The following ILKAP variants were observed in gnomAD, a reference collection of about 807,000 sequenced individuals.
ILKAP encodes the protein ILK associated serine/threonine phosphatase, also known as integrin-linked kinase-associated serine/threonine phosphatase 2C.
In ILKAP, 11 loss-of-function variants were observed where a neutral mutation model predicts 49.1. That is an observed-to-expected ratio of 0.22 (90% CI 0.14 to 0.37). The LOEUF is 0.37. ILKAP is among the 10% of genes least tolerant of loss of function. The pLI is 1.00. For missense variants in ILKAP, 363 were observed against 510.8 expected (o/e 0.71, Z 2.79); for synonymous variants, 186 against 192.8 (o/e 0.96, Z 0.29).
At chr2:238,185,311 A>C in intron 5 of ILKAP, 24 bp from the exon 6 acceptor site, 1 of 1,443,812 alleles carries the variant, frequency 6.9e-7, no homozygotes, top group Non-Finnish European at 9.7e-7. Context: ...TTGAGAGTTA[A>C]TCAAATTCTC....
chr2:238,173,481 A>G, intron 10 of ILKAP, 53 bp downstream of exon 10: 1 of 1,586,876 alleles, frequency 6.3e-7, no homozygotes, highest in Non-Finnish European at 8.6e-7. Flanking sequence ...GAAGTGAGGA[A>G]GAGAAATAAA....
At chr2:238,201,181 GT>G (rs34064353) in intron 1 of ILKAP, among the ~76,000 whole-genome samples, 74,077 of 150,918 alleles carry the variant, frequency 0.49, 18,317 homozygotes, top group East Asian at 0.61. Flanking sequence ...TTCAAAGTAT[GT>G]TTTTTTTTTT....
chr2:238,185,457 A>C (rs1693863893), intron 5 of ILKAP, 170 bp from the exon 6 acceptor site: 1 of 527,982 alleles, frequency 1.9e-6, no homozygotes, highest in South Asian at 2.8e-5. Flanking sequence ...GCTTTAACTG[A>C]GACAAATATT....
intron 1 of ILKAP, among the ~76,000 whole-genome samples, chr2:238,201,181 GTTTT>G (rs34064353): frequency 4.6e-5 from 7 of 150,904 alleles, no homozygotes; most frequent in African/African-American, 1.7e-4. Context: ...TTCAAAGTAT[GTTTT>G]TTTTTTTTAA....
At chr2:238,197,864 C>A (rs985467013) in intron 1 of ILKAP, among the ~76,000 whole-genome samples, 3 of 152,212 alleles carry the variant, frequency 2.0e-5, no homozygotes, top group African/African-American at 7.2e-5. Flanking sequence ...CACATCTTCT[C>A]ATTTAATTCT....
rs376559850 is a variant in ILKAP, at chr2:238,177,047, T to A, written c.837-3394A>T. ...TAAATTTAAATGCTATATGTAAACT[T>A]CCCATCTGTTCAGCTGCCTTCCTTG... On this transcript the variant is annotated intron_variant, in intron 9 of 11. Transcript: ENST00000254654. Among the ~76,000 whole-genome samples the A allele has an allele frequency of 2.6e-5, 4 of 152,238 alleles. No individual in the cohort carries two copies. In the East Asian group the frequency reaches 5.8e-4, roughly 22 times the overall value.
intron 1 of ILKAP, among the ~76,000 whole-genome samples, chr2:238,201,652 T>C (rs1234354476): frequency 6.6e-6 from 1 of 152,256 alleles, no homozygotes; most frequent in Non-Finnish European, 1.5e-5. Context: ...CCAGGTTTTT[T>C]GTCAGTCAAG....
chr2:238,203,507 G>A lies in ILKAP; in HGVS notation c.47C>T (p.Pro16Leu), dbSNP rs952009293. 3 of 1,252,508 alleles carry A rather than the reference G, an allele frequency of 2.4e-6. No individual in the cohort carries two copies. Among genetic ancestry groups the A allele is most frequent in the East Asian group, 4.0e-5 (1 of 25,070 alleles). 77.6% of individuals were successfully genotyped at this position (1,252,508 alleles called of 1,614,324 possible). The change falls in exon 1 of 12, where the codon CCG (proline) becomes CTG (leucine). Residue 16 changes from proline (P) to leucine (L), a missense_variant. By Grantham distance (98) the Pro-to-Leu change is moderately conservative. Coordinates refer to ENST00000254654, the MANE Select transcript of ILKAP (RefSeq NM_030768.3). ...DLPEPERSPR[P>L]AAGKEAQKGP... ...GCGGCAACGCCGCTTACCGGCAGCC[G>A]GGCGCGGCGAGCGCTCGGGCTCCGG...
intron 9 of ILKAP, among the ~76,000 whole-genome samples, chr2:238,176,648 T>A (rs1380290065): frequency 8.4e-6 from 1 of 119,226 alleles, no homozygotes; most frequent in Admixed American, 9.5e-5. Context: ...TTTGTTGATA[T>A]TTTCTGTTCT....
At chr2:238,202,676 A>G (rs1227982870) in intron 1 of ILKAP, among the ~76,000 whole-genome samples, 1 of 152,180 alleles carries the variant, frequency 6.6e-6, no homozygotes, top group Non-Finnish European at 1.5e-5. Flanking sequence ...TCAAGCTGGA[A>G]GTCTTGCATA....
rs1054169234 is a variant in ILKAP at position 238,170,512 on chromosome 2, G to A, written c.*24C>T. The A allele has an allele frequency of 3.8e-6, 6 of 1,576,188 alleles. No homozygotes were observed. The highest frequency in any genetic ancestry group is 1.7e-4 in the Middle Eastern group (1 of 5,868). On this transcript the variant is annotated 3_prime_UTR_variant, in exon 12 of 12. Transcript: ENST00000254654. ...TGAACCTTTTAAGTCAATACCATGC[G>A]TGCTCCTGGCCGCGCGCCACCCCTC...
chr2:238,186,715 A>C (rs1693921692), intron 5 of ILKAP: 1 of 152,168 alleles, frequency 6.6e-6, no homozygotes, highest in East Asian at 1.9e-4. Flanking sequence ...AAGGAAAAAA[A>C]AAAAACAAAA....
chr2:238,188,358 A>T (rs60823094), intron 4 of ILKAP, 101 bp from the exon 5 acceptor site: 2 of 1,388,832 alleles, frequency 1.4e-6, no homozygotes, highest in African/African-American at 2.9e-5. Flanking sequence ...TGTCTGACTC[A>T]GCAATATCCT....
At chr2:238,183,852 G>A (rs1417665490) in intron 7 of ILKAP, 112 bp from the exon 8 acceptor site, 1 of 995,534 alleles carries the variant, frequency 1.0e-6, no homozygotes, top group Non-Finnish European at 1.5e-6. Context: ...CCATTTCCTT[G>A]ATACTTGCTT....
At chr2:238,185,897 G>C (rs547583488) in intron 5 of ILKAP, 1 of 152,098 alleles carries the variant, frequency 6.6e-6, no homozygotes, top group Non-Finnish European at 1.5e-5. Context: ...TATTCTAAAA[G>C]AGATGTAACA....
At chr2:238,196,652 T>C (rs878936088) in intron 1 of ILKAP, among the ~76,000 whole-genome samples, 4 of 152,192 alleles carry the variant, frequency 2.6e-5, no homozygotes, top group African/African-American at 4.8e-5. Context: ...AAGCTTTAAT[T>C]AAAAATTTAT....
intron 3 of ILKAP, among the ~76,000 whole-genome samples, chr2:238,192,184 C>T (rs1395685944): frequency 7.3e-6 from 1 of 136,454 alleles, no homozygotes; most frequent in African/African-American, 2.7e-5. Context: ...TCCAGCCTGC[C>T]AACAGAGTGA....
intron 1 of ILKAP, among the ~76,000 whole-genome samples, chr2:238,199,293 T>C (rs1050987781): frequency 2.0e-5 from 3 of 152,236 alleles, no homozygotes; most frequent in Admixed American, 1.3e-4. Flanking sequence ...CTGCTTAATC[T>C]GCTAGACTGC....
intron 1 of ILKAP, among the ~76,000 whole-genome samples, chr2:238,201,629 A>G (rs1476712545): frequency 6.6e-6 from 1 of 152,206 alleles, no homozygotes; most frequent in Non-Finnish European, 1.5e-5. Flanking sequence ...CCAACCTATG[A>G]GATTCTGAGT....
Sources: allele counts gnomAD v4.1 joint callset (sites outside exome capture counted in the v4.1 genomes callset), GRCh38; gene constraint gnomAD v4.1.1; transcripts MANE v1.5; gene names NCBI Gene and HGNC (gene_info 2026-07-23, HGNC 2026-07-21).